The following FTO variants were observed in gnomAD, a reference collection of about 807,000 sequenced individuals.
The protein encoded by FTO is alpha-ketoglutarate-dependent dioxygenase FTO.
FTO carries 47 observed loss-of-function variants against 63.9 expected under a neutral mutation model. That is an observed-to-expected ratio of 0.74 (90% confidence interval 0.58 to 0.94). The LOEUF (loss-of-function observed/expected upper bound fraction) is 0.94, where lower values mean the gene tolerates loss of function less well. Among genes scored for constraint, FTO ranks in the 40% least tolerant of loss-of-function variants. FTO has a pLI of 0.00. For missense variants in FTO, 562 were observed against 618.1 expected, an observed-to-expected ratio of 0.91 and a Z score of 0.96; for synonymous variants, 207 against 224.4, an observed-to-expected ratio of 0.92 and a Z score of 0.69.
chr16:54,077,814 C>G (rs1056916881), intron 8 of FTO, among the ~76,000 whole-genome samples: 59 of 151,984 alleles, frequency 3.9e-4, no homozygotes, highest in African/African-American at 1.3e-3. Context: ...GGCAGGCAGT[C>G]GGATCAAGAA....
intron 1 of FTO, among the ~76,000 whole-genome samples, chr16:53,743,684 A>G (rs1016252038): frequency 6.6e-6 from 1 of 151,430 alleles, no homozygotes; most frequent in Non-Finnish European, 1.5e-5. Flanking sequence ...GCAGATAATG[A>G]TTGCACTATT....
rs2082334498 is a variant in FTO, at chr16:53,933,977, T to C, written c.1240-8T>C. The C allele has an allele frequency of 6.2e-7, 1 of 1,613,766 alleles. No individual in the cohort carries two copies. Among genetic ancestry groups the C allele is most frequent in the Non-Finnish European group, 8.5e-7 (1 of 1,179,784 alleles). On this transcript the variant is annotated splice_polypyrimidine_tract_variant and splice_region_variant and intron_variant, in intron 7 of 8. Coordinates refer to ENST00000471389, the MANE Select transcript of FTO (RefSeq NM_001080432.3). ...TTTTCTTTCTCTGTTTTGGATCATT[T>C]CTTGTAGACAAATGCTGTGCTTCAT...
chr16:53,920,140 A>C (rs537827153), intron 7 of FTO, among the ~76,000 whole-genome samples: 99 of 152,320 alleles, frequency 6.5e-4, no homozygotes, highest in Non-Finnish European at 1.3e-3. Context: ...GAGAAAAAGG[A>C]GCTAACACTT....
intron 1 of FTO, among the ~76,000 whole-genome samples, chr16:53,781,066 CT>C (rs1218144917): frequency 6.6e-6 from 1 of 152,238 alleles, no homozygotes; most frequent in East Asian, 1.9e-4. Flanking sequence ...ACATTCCCAA[CT>C]GTGCCCCTAG....
Position 53,929,394 on chromosome 16 carries a change from T to C in FTO, c.1240-4591T>C, listed in dbSNP as rs187703513. ...TGCTCAGCCCTTTTTATTGCTGTAGTGGTGTTCTGTTGTATGGATGTACCA... is the reference window on the plus strand; with the variant it reads ...TGCTCAGCCCTTTTTATTGCTGTAGCGGTGTTCTGTTGTATGGATGTACCA... On this transcript the variant is annotated intron_variant, in intron 7 of 8. Transcript: ENST00000471389. Among the ~76,000 whole-genome samples, 9 of 152,332 alleles carry C rather than the reference T, an allele frequency of 5.9e-5. No homozygotes were observed. In the East Asian group the frequency reaches 1.4e-3, roughly 23 times the overall value.
At chr16:53,836,873 G>C (rs1257675972) in intron 3 of FTO, among the ~76,000 whole-genome samples, 2 of 152,106 alleles carry the variant, frequency 1.3e-5, no homozygotes, top group African/African-American at 4.8e-5. Context: ...GAGAAACTGG[G>C]TATTGGGTGT....
intron 8 of FTO, among the ~76,000 whole-genome samples, chr16:53,940,242 G>A (rs1057061691): frequency 6.6e-6 from 1 of 152,048 alleles, no homozygotes; most frequent in Non-Finnish European, 1.5e-5. Context: ...TAATGGTGTC[G>A]AGCATCTTTT....
intron 3 of FTO, among the ~76,000 whole-genome samples, chr16:53,835,796 T>C (rs2079272320): frequency 6.6e-6 from 1 of 152,176 alleles, no homozygotes; most frequent in Non-Finnish European, 1.5e-5. Flanking sequence ...GGACTCTTCC[T>C]CTAGTTTTCT....
At chr16:53,839,146 T>C (rs2079391133) in intron 3 of FTO, among the ~76,000 whole-genome samples, 2 of 152,216 alleles carry the variant, frequency 1.3e-5, no homozygotes, top group Admixed American at 6.5e-5. Flanking sequence ...GGGGGAAGTT[T>C]TGGACAATTT....
At chr16:53,904,848 T>G (rs952546996) in intron 7 of FTO, among the ~76,000 whole-genome samples, 5 of 152,070 alleles carry the variant, frequency 3.3e-5, no homozygotes, top group Admixed American at 3.3e-4. Flanking sequence ...TAGGATCATT[T>G]AAACACTGAC....
At chr16:53,966,189 A>G (rs2083193892) in intron 8 of FTO, among the ~76,000 whole-genome samples, 1 of 152,114 alleles carries the variant, frequency 6.6e-6, no homozygotes. Flanking sequence ...CTTAATGAGG[A>G]TGTATATTTA....
chr16:53,848,478 C>T (rs1052764522), intron 4 of FTO, among the ~76,000 whole-genome samples: 32 of 152,210 alleles, frequency 2.1e-4, no homozygotes, highest in South Asian at 4.1e-4. Flanking sequence ...AAGGTTGTCA[C>T]GGTTTTACTT....
intron 8 of FTO, among the ~76,000 whole-genome samples, chr16:54,082,034 T>A (rs2086159989): frequency 6.6e-6 from 1 of 152,150 alleles, no homozygotes; most frequent in Admixed American, 6.6e-5. Context: ...GGGCAATAAT[T>A]CTTCTCCCTT....
chr16:53,963,249 C>G (rs577450095), intron 8 of FTO, among the ~76,000 whole-genome samples: 6 of 152,258 alleles, frequency 3.9e-5, no homozygotes, highest in African/African-American at 1.2e-4. Context: ...CTCCATGTTT[C>G]TGTCTCTGTG....
chr16:53,880,938 A>G (rs1229691472), intron 6 of FTO, among the ~76,000 whole-genome samples: 1 of 19,072 alleles, frequency 5.2e-5, no homozygotes, highest in Admixed American at 6.8e-4. Flanking sequence ...CGTCTCTACT[A>G]AAAAAAAAAA....
At chr16:53,949,545 T>C (rs1312756876) in intron 8 of FTO, among the ~76,000 whole-genome samples, 3 of 152,204 alleles carry the variant, frequency 2.0e-5, no homozygotes, top group Non-Finnish European at 4.4e-5. Flanking sequence ...CAGCCCCAAC[T>C]GTACCAAAGG....
intron 1 of FTO, among the ~76,000 whole-genome samples, chr16:53,709,442 G>T (rs944672902): frequency 6.6e-6 from 1 of 152,124 alleles, no homozygotes; most frequent in Admixed American, 6.5e-5. Context: ...TTCATACCCC[G>T]TGCCTCAGTT....
intron 7 of FTO, among the ~76,000 whole-genome samples, chr16:53,926,829 T>TC (rs950635554): frequency 1.3e-4 from 19 of 151,606 alleles, no homozygotes; most frequent in South Asian, 1.2e-3. Flanking sequence ...GTTTTTTTTT[T>TC]CCCCAGGCTA....
chr16:53,997,163 AAAAG>A (rs1294636964), intron 8 of FTO, among the ~76,000 whole-genome samples: 2 of 146,844 alleles, frequency 1.4e-5, no homozygotes, highest in Non-Finnish European at 3.0e-5. Flanking sequence ...AGAGAGAGAG[AAAAG>A]AGAGAGGGAG....
Sources: gnomAD v4.1 joint callset for allele counts (sites outside exome capture counted in the v4.1 genomes callset) on GRCh38, gnomAD v4.1.1 for gene constraint, MANE v1.5 for transcripts, NCBI Gene and HGNC (gene_info 2026-07-23, HGNC 2026-07-21) for gene names.